CNTRL: variants seen among roughly 807,000 people sequenced by gnomAD.
CNTRL encodes 110 kDa centrosomal protein.
In CNTRL, 233 loss-of-function variants were observed where a neutral mutation model predicts 303.7. That is an observed-to-expected ratio of 0.77 (90% CI 0.69 to 0.86). The LOEUF (loss-of-function observed/expected upper bound fraction) is 0.86. CNTRL is among the 40% of genes least tolerant of loss of function. The probability of loss-of-function intolerance (pLI) is 0.00; values close to 1 mark genes in which losing one functional copy is unlikely to be tolerated. For synonymous variants in CNTRL, 900 were observed against 922.2 expected (o/e 0.98, Z 0.44); for missense variants, 2,524 against 2,650.6 (o/e 0.95, Z 1.05).
Position 121,161,949 on chromosome 9 carries a change from A to T in CNTRL, c.5183A>T (p.Lys1728Met), listed in dbSNP as rs2052873689. Residue 1728 changes from lysine to methionine, a missense_variant, in exon 33 of 44, where the codon AAG (lysine) becomes ATG (methionine). By Grantham distance (95) the Lys-to-Met change is moderately conservative. Coordinates refer to ENST00000373855, the MANE Select transcript of CNTRL (RefSeq NM_007018.6). ...GACCAAAGGGTATCTGAATTAGAGA[A>T]GACTCAGGTGGCAGTGCTAGAGGTA... is the stretch of plus-strand genomic sequence containing the variant. ...QHDQRVSELEKTQVAVLEEKL... is the reference protein window; with the variant it reads ...QHDQRVSELEMTQVAVLEEKL... 2.5e-6 allele frequency: 4 copies of T among 1,614,178 alleles called. No individual in the cohort carries two copies. The East Asian group carries it at 8.9e-5, about 36-fold the overall frequency.
At chr9:121,137,852 T>A (rs1485387109) in intron 15 of CNTRL, among the ~76,000 whole-genome samples, 1 of 152,216 alleles carries the variant, frequency 6.6e-6, no homozygotes, top group African/African-American at 2.4e-5. Context: ...TATTTTCTTC[T>A]CATAAGTCTT....
intron 23 of CNTRL, 114 bp from the exon 24 acceptor site, chr9:121,148,558 G>T: frequency 2.1e-6 from 2 of 938,180 alleles, no homozygotes; most frequent in Non-Finnish European, 1.6e-6. Flanking sequence ...ATGAAAAGAA[G>T]CCAAGTTCTT....
At position 121,122,430 on chromosome 9, in the gene CNTRL, A is replaced by C. The variant is rs185109951; in HGVS notation, c.1651-1501A>C. On this transcript the variant is annotated intron_variant, in intron 12 of 43. Transcript: ENST00000373855. ...ACGTTTCTTTCTTGTATTTGGGGTA[A>C]GCAAATACATAAAATTGAGTAATAT... The C allele has an allele frequency of 1.2e-3, 1,201 of 977,138 alleles. 3 individuals are homozygous for C. The highest frequency in any genetic ancestry group is 1.4e-3 in the Non-Finnish European group (1,132 of 822,400). 60.5% of individuals were successfully genotyped at this position (977,138 alleles called of 1,614,324 possible).
Position 121,154,985 on chromosome 9 carries a change from G to A in CNTRL, c.4365+72G>A, listed in dbSNP as rs543035395. 2.3e-6 allele frequency: 3 copies of A among 1,302,708 alleles called. No homozygotes were observed. In the South Asian group the frequency reaches 3.6e-5, roughly 15 times the overall value. The allele number at this position is 1,302,708 out of a possible 1,614,324, so 80.7% of individuals were successfully genotyped here. On this transcript the variant is annotated intron_variant, in intron 27 of 43. Transcript: ENST00000373855. ...AGCTTACTGTCCACCTGAAGGATTA[G>A]AAAGAGAATGTGTGTGATAAGAGGA...
chr9:121,090,073 C>T (rs1029266422), intron 3 of CNTRL, among the ~76,000 whole-genome samples: 1 of 148,854 alleles, frequency 6.7e-6, no homozygotes, highest in African/African-American at 2.6e-5. Context: ...TATAGTATTA[C>T]AATCATTACA....
At chr9:121,081,498 A>G (rs369883770) in intron 2 of CNTRL, among the ~76,000 whole-genome samples, 1 of 152,234 alleles carries the variant, frequency 6.6e-6, no homozygotes, top group Non-Finnish European at 1.5e-5. Flanking sequence ...CATTACAAGT[A>G]GTAGATTGCC....
chr9:121,150,064 A>G, intron 24 of CNTRL, 106 bp from the exon 25 acceptor site: 1 of 825,270 alleles, frequency 1.2e-6, no homozygotes, highest in East Asian at 2.7e-5. Context: ...CATCTGCAGT[A>G]TCTTGGCTTA....
In CNTRL at chr9:121,096,417, T is replaced by C; in HGVS notation, c.480-5T>C. 2.0e-6 allele frequency: 3 copies of C among 1,507,372 alleles called. No homozygotes were observed. Among genetic ancestry groups the C allele is most frequent in the Non-Finnish European group, 2.7e-6 (3 of 1,123,076 alleles). 93.4% of individuals were successfully genotyped at this position (1,507,372 alleles called of 1,614,324 possible). A position where few individuals can be genotyped will look rare whatever the true frequency, so the allele number is the denominator to read the frequency against. ...CTAAATTTTATTTTATCCTTTGCTT[T>C]CCAGCAAAATTGAAGGCATAGAAAA... is the stretch of plus-strand genomic sequence containing the variant. On this transcript the variant is annotated splice_polypyrimidine_tract_variant and splice_region_variant and intron_variant, in intron 5 of 43. Coordinates refer to ENST00000373855, the MANE Select transcript of CNTRL (RefSeq NM_007018.6).
chr9:121,143,129 C>T (rs2051616820), intron 19 of CNTRL, among the ~76,000 whole-genome samples: 1 of 152,154 alleles, frequency 6.6e-6, no homozygotes, highest in South Asian at 2.1e-4. Flanking sequence ...AGCTTCCTCT[C>T]CCATGCCTCA....
intron 7 of CNTRL, among the ~76,000 whole-genome samples, chr9:121,105,630 G>A (rs35664601): frequency 0.015 from 2,343 of 152,296 alleles, 27 homozygotes; most frequent in Middle Eastern, 0.024. Flanking sequence ...GAGAAAGAGA[G>A]GCCAGCAAGG....
chr9:121,134,084 C>G (rs939683221), intron 14 of CNTRL, among the ~76,000 whole-genome samples: 2 of 152,134 alleles, frequency 1.3e-5, no homozygotes, highest in Admixed American at 6.5e-5. Flanking sequence ...CTGTGAACCT[C>G]TTGGATTCAA....
intron 25 of CNTRL, among the ~76,000 whole-genome samples, chr9:121,151,271 T>G (rs1429294386): frequency 1.3e-5 from 2 of 152,178 alleles, no homozygotes; most frequent in Admixed American, 6.6e-5. Context: ...GTACAACATT[T>G]CTATATTTGT....
Position 121,162,278 on chromosome 9 carries a change from G to A in CNTRL, c.5423+7G>A. On this transcript the variant is annotated splice_region_variant and intron_variant, in intron 34 of 43. Transcript: ENST00000373855. The stretch of plus-strand genomic sequence containing the variant: ...AGTTGGCACAAACCAAAAGGTGAGA[G>A]CAAGAACAAATAAGCTTGCAGGATC... 6.2e-7 allele frequency: 1 copy of A among 1,608,758 alleles called. No individual in the cohort carries two copies. Among genetic ancestry groups the A allele is most frequent in the East Asian group, 2.2e-5 (1 of 44,846 alleles).
intron 12 of CNTRL, among the ~76,000 whole-genome samples, chr9:121,123,195 A>G (rs984497649): frequency 6.6e-6 from 1 of 152,220 alleles, no homozygotes; most frequent in East Asian, 1.9e-4. Flanking sequence ...CCACCCAGGT[A>G]TAATTCTTGT....
At chr9:121,142,473 G>A (rs545983825) in intron 19 of CNTRL, among the ~76,000 whole-genome samples, 3 of 152,326 alleles carry the variant, frequency 2.0e-5, no homozygotes, top group East Asian at 3.9e-4. Flanking sequence ...AGATGGAAAC[G>A]AGAATTGAGA....
chr9:121,177,403 C>T lies in CNTRL; in HGVS notation c.*217C>T, dbSNP rs1407399974. 4.7e-6 allele frequency: 2 copies of T among 424,922 alleles called. No homozygotes were observed. The highest frequency in any genetic ancestry group is 8.2e-6 in the Non-Finnish European group (2 of 242,656). The allele number at this position is 424,922 out of a possible 1,614,324, so 26.3% of individuals were successfully genotyped here. On this transcript the variant is annotated 3_prime_UTR_variant, in exon 44 of 44. Coordinates refer to ENST00000373855, the MANE Select transcript of CNTRL (RefSeq NM_007018.6). ...GAATAGTTGCATATGGGAATTTAAA[C>T]CAACATGTGGCTGAGCCTTTTTTTT...
chr9:121,078,298 C>G (rs2131970868), intron 1 of CNTRL, among the ~76,000 whole-genome samples: 1 of 152,232 alleles, frequency 6.6e-6, no homozygotes, highest in South Asian at 2.1e-4. Context: ...ATCCCAGTTA[C>G]TCAGTAGGTT....
chr9:121,115,176 G>A lies in CNTRL; in HGVS notation c.1431G>A (p.Leu477=). Residue 477 remains leucine, a synonymous_variant, in exon 11 of 44, where the codon CTG becomes CTA. Transcript: ENST00000373855. ...GAGCTACTGAAGAATTTAAACAACT[G>A]GAAGAAGCTATACAACTAAAAAAGG... ...ILRATEEFKQ[L]EEAIQLKKIS... The A allele has an allele frequency of 6.3e-7, 1 of 1,598,508 alleles. No individual in the cohort carries two copies. Among genetic ancestry groups the A allele is most frequent in the Non-Finnish European group, 8.6e-7 (1 of 1,168,492 alleles).
intron 7 of CNTRL, among the ~76,000 whole-genome samples, chr9:121,104,760 G>T (rs182246022): frequency 7.3e-6 from 1 of 136,306 alleles, no homozygotes; most frequent in African/African-American, 2.7e-5. Flanking sequence ...GGAGTGCAAT[G>T]GTGCGATCTC....
Sources: allele counts gnomAD v4.1 joint callset (sites outside exome capture counted in the v4.1 genomes callset), GRCh38; gene constraint gnomAD v4.1.1; transcripts MANE v1.5; gene names NCBI Gene and HGNC (gene_info 2026-07-23, HGNC 2026-07-21).